KL: variants seen among roughly 807,000 people sequenced by gnomAD.
KL encodes klotho.
A neutral mutation model predicts 84.2 loss-of-function variants in KL; 62 were observed. The ratio of observed to expected loss-of-function variants is 0.74; its 90% CI spans 0.60 to 0.91. The LOEUF (loss-of-function observed/expected upper bound fraction) is 0.91. KL is among the 40% of genes least tolerant of loss of function. The pLI is 0.00. For missense variants in KL, 1,261 were observed against 1,305.7 expected (o/e 0.97, Z 0.53); for synonymous variants, 528 against 528.0 (o/e 1.00, Z 0.00).
In KL at chr13:33,027,333, A is replaced by G. The variant is rs148003364; in HGVS notation, c.819+10074A>G. Among the ~76,000 whole-genome samples, 884 of 152,312 alleles carry G rather than the reference A, an allele frequency of 5.8e-3. 7 individuals carry two copies. The highest frequency in any genetic ancestry group is 0.014 in the Middle Eastern group (4 of 294). ...GGCCTCTTCAGCATAAAGAAGTGCT[A>G]TCTCTTACTAGGGAAGAATGGGCCA... On this transcript the variant is annotated intron_variant, in intron 1 of 4. Transcript: ENST00000380099.
intron 4 of KL, 137 bp downstream of exon 4, chr13:33,061,917 T>G (rs1872224493): frequency 2.3e-6 from 2 of 870,374 alleles, no homozygotes; most frequent in Admixed American, 2.0e-5. Context: ...ACTGAAACAG[T>G]CCAAGAGATA....
chr13:33,027,686 G>A (rs1160921626), intron 1 of KL, among the ~76,000 whole-genome samples: 8 of 152,152 alleles, frequency 5.3e-5, no homozygotes, highest in Non-Finnish European at 1.0e-4. Context: ...TTCTCCACCA[G>A]GATATTTCCC....
At chr13:33,056,324 A>T (rs967939674) in intron 3 of KL, among the ~76,000 whole-genome samples, 1 of 152,234 alleles carries the variant, frequency 6.6e-6, no homozygotes, top group Non-Finnish European at 1.5e-5. Context: ...CACAGCTTGA[A>T]AGGAAACACT....
intron 1 of KL, among the ~76,000 whole-genome samples, chr13:33,048,271 C>G (rs1200310167): frequency 6.6e-6 from 1 of 152,128 alleles, no homozygotes; most frequent in Non-Finnish European, 1.5e-5. Flanking sequence ...GTATTTAGTT[C>G]TGCCAAGAAG....
chr13:33,025,312 A>G (rs1052713519), intron 1 of KL, among the ~76,000 whole-genome samples: 1 of 152,178 alleles, frequency 6.6e-6, no homozygotes, highest in Non-Finnish European at 1.5e-5. Flanking sequence ...TGCAGATCCT[A>G]CAGTGTCTGT....
At chr13:33,020,692 C>A (rs1013861150) in intron 1 of KL, among the ~76,000 whole-genome samples, 2 of 152,190 alleles carry the variant, frequency 1.3e-5, no homozygotes, top group Non-Finnish European at 2.9e-5. Flanking sequence ...TACCTACCTC[C>A]AGGATGTGTC....
chr13:33,026,544 C>T (rs943933701), intron 1 of KL, among the ~76,000 whole-genome samples: 10 of 152,260 alleles, frequency 6.6e-5, no homozygotes, highest in African/African-American at 1.9e-4. Context: ...TTGGCTAAGT[C>T]GGGGAACTGT....
intron 1 of KL, among the ~76,000 whole-genome samples, chr13:33,035,468 G>A (rs571117261): frequency 6.6e-6 from 1 of 152,206 alleles, no homozygotes; most frequent in African/African-American, 2.4e-5. Flanking sequence ...AGGGTATTGT[G>A]GAATTATTGG....
chr13:33,046,324 A>G (rs1054161167), intron 1 of KL, among the ~76,000 whole-genome samples: 14 of 152,178 alleles, frequency 9.2e-5, no homozygotes, highest in African/African-American at 3.4e-4. Context: ...TTTTACACCT[A>G]GATTAGATTT....
rs369183778 is a variant in KL at position 33,064,006 on chromosome 13, C to A, written c.2859C>A (p.Phe953Leu). 1.9e-6 allele frequency: 3 copies of A among 1,614,164 alleles called. No homozygotes were observed. In the Admixed American group the frequency reaches 5.0e-5, roughly 27 times the overall value. Residue 953 changes from phenylalanine (F) to leucine (L), a missense_variant, in exon 5 of 5, where the codon TTC (phenylalanine) becomes TTA (leucine). Coordinates refer to ENST00000380099, the MANE Select transcript of KL (RefSeq NM_004795.4). ...GGAAAATTATTGACAGCAATGGTTT[C>A]CCGGGCCCAGAAACTCTGGAAAGAT... is the stretch of plus-strand genomic sequence containing the variant. ...HYRKIIDSNGFPGPETLERFC... is the reference protein window; with the variant it reads ...HYRKIIDSNGLPGPETLERFC...
intron 1 of KL, among the ~76,000 whole-genome samples, chr13:33,025,856 C>T (rs1248959954): frequency 6.6e-6 from 1 of 152,166 alleles, no homozygotes; most frequent in African/African-American, 2.4e-5. Flanking sequence ...AGCCAAACAT[C>T]CCTGTCATCT....
intron 1 of KL, among the ~76,000 whole-genome samples, chr13:33,032,226 A>G (rs1347791198): frequency 6.6e-6 from 1 of 152,218 alleles, no homozygotes; most frequent in African/African-American, 2.4e-5. Context: ...TCATTACATC[A>G]TTACAAAAAC....
In KL at chr13:33,016,567, G is replaced by T; in HGVS notation, c.127G>T (p.Ala43Ser). 6.8e-7 allele frequency: 1 copy of T among 1,476,732 alleles called. No homozygotes were observed. The highest frequency in any genetic ancestry group is 1.4e-5 in the South Asian group (1 of 73,260). 91.5% of individuals were successfully genotyped at this position (1,476,732 alleles called of 1,614,324 possible). A position where few individuals can be genotyped will look rare whatever the true frequency, so the allele number is the denominator to read the frequency against. ...GCCGGGCGACGGCGCGCAGACCTGGGCCCGTTTCTCGCGGCCTCCTGCCCC... is the reference window on the plus strand; with the variant it reads ...GCCGGGCGACGGCGCGCAGACCTGGTCCCGTTTCTCGCGGCCTCCTGCCCC... ...AEPGDGAQTWARFSRPPAPEA... is the reference protein window; with the variant it reads ...AEPGDGAQTWSRFSRPPAPEA... The change falls in exon 1 of 5, where the codon GCC (alanine) becomes TCC (serine). Residue 43 changes from alanine (A) to serine (S), a missense_variant. Coordinates refer to ENST00000380099, the MANE Select transcript of KL (RefSeq NM_004795.4).
Position 33,017,220 on chromosome 13 carries a change from C to T in KL, c.780C>T (p.Ser260=). The T allele has an allele frequency of 6.3e-7, 1 of 1,591,738 alleles. No homozygotes were observed. The stretch of plus-strand genomic sequence containing the variant: ...GCCTGGCCCCCGGCATCCGGGGCAG[C>T]CCGCGGCTCGGGTACCTGGTGGCGC... ...TGRLAPGIRG[S]PRLGYLVAHN... The change falls in exon 1 of 5, where the codon AGC becomes AGT. Residue 260 remains serine (S), a synonymous_variant. Coordinates refer to ENST00000380099, the MANE Select transcript of KL (RefSeq NM_004795.4).
At chr13:33,041,127 GAC>G (rs1376865970) in intron 1 of KL, among the ~76,000 whole-genome samples, 1 of 152,008 alleles carries the variant, frequency 6.6e-6, no homozygotes, top group East Asian at 1.9e-4. Flanking sequence ...TCATTACCCA[GAC>G]ACAATGAGTA....
intron 1 of KL, among the ~76,000 whole-genome samples, chr13:33,024,491 T>A (rs968541007): frequency 6.6e-6 from 1 of 151,998 alleles, no homozygotes; most frequent in Admixed American, 6.6e-5. Context: ...TGAGGACGAG[T>A]GGTTGGAGTT....
chr13:33,055,136 C>A lies in KL; in HGVS notation c.1420C>A (p.Arg474Ser), dbSNP rs758701481. The change falls in exon 3 of 5, where the codon CGT (arginine) becomes AGT (serine). Residue 474 changes from arginine (R) to serine (S), a missense_variant. By Grantham distance (110) the Arg-to-Ser change is moderately radical. Coordinates refer to ENST00000380099, the MANE Select transcript of KL (RefSeq NM_004795.4). ...GTGGCACAGAGGTTACAGCATCAGG[C>A]GTGGACTCTTCTATGTTGACTTTCT... The part of the protein sequence containing the change: ...FEWHRGYSIR[R>S]GLFYVDFLSQ... 6.2e-7 allele frequency: 1 copy of A among 1,614,168 alleles called. No individual in the cohort carries two copies. Among genetic ancestry groups the A allele is most frequent in the Non-Finnish European group, 8.5e-7 (1 of 1,180,032 alleles).
Position 33,053,806 on chromosome 13 carries a change from C to G in KL, c.859C>G (p.Arg287Gly). Residue 287 changes from arginine (R) to glycine (G), a missense_variant, in exon 2 of 5, where the codon CGT becomes GGT. Physicochemically the swap from Arg to Gly is moderately radical, Grantham distance 125. Transcript: ENST00000380099. The part of the protein sequence containing the change: ...KVWHLYNTSF[R>G]PTQGGQVSIA... ...CTGGCATCTCTACAATACTTCTTTC[C>G]GTCCCACTCAGGGAGGTCAGGTGTC... 1 of 1,614,022 alleles carries G rather than the reference C, an allele frequency of 6.2e-7. No individual in the cohort carries two copies. The highest frequency in any genetic ancestry group is 8.5e-7 in the Non-Finnish European group (1 of 1,179,950).
intron 3 of KL, among the ~76,000 whole-genome samples, chr13:33,058,913 C>T (rs1872069191): frequency 6.6e-6 from 1 of 152,208 alleles, no homozygotes. Flanking sequence ...AATACTCTGA[C>T]AGCATTCCCA....
Sources: gnomAD v4.1 joint callset for allele counts (sites outside exome capture counted in the v4.1 genomes callset) on GRCh38, gnomAD v4.1.1 for gene constraint, MANE v1.5 for transcripts, NCBI Gene and HGNC (gene_info 2026-07-23, HGNC 2026-07-21) for gene names.